Variants in GRIK4 observed in about 807,000 individuals in gnomAD.
GRIK4 encodes glutamate receptor ionotropic, kainate 4.
A neutral mutation model predicts 104.9 loss-of-function variants in GRIK4; 40 were observed. That is an observed-to-expected ratio of 0.38 (90% confidence interval 0.30 to 0.50). The LOEUF (loss-of-function observed/expected upper bound fraction) is 0.50. Ranked by LOEUF, GRIK4 falls within the 20% of genes least tolerant of loss-of-function variation. The pLI is 0.93. For synonymous variants in GRIK4, 485 were observed against 524.9 expected (o/e 0.92, Z 1.04); for missense variants, 1,047 against 1,308.1 (o/e 0.80, Z 3.08).
At chr11:120,768,445 T>C (rs1951878064) in intron 3 of GRIK4, among the ~76,000 whole-genome samples, 1 of 152,140 alleles carries the variant, frequency 6.6e-6, no homozygotes, top group Non-Finnish European at 1.5e-5. Flanking sequence ...GTTTTTTTTG[T>C]GGGTTAAAAC....
chr11:120,515,866 T>C (rs1947719205), intron 1 of GRIK4, among the ~76,000 whole-genome samples: 2 of 152,172 alleles, frequency 1.3e-5, no homozygotes, highest in South Asian at 4.1e-4. Flanking sequence ...CAATGTAACA[T>C]TGTATTGACT....
chr11:120,531,758 T>C (rs770523073), intron 1 of GRIK4, among the ~76,000 whole-genome samples: 61 of 152,108 alleles, frequency 4.0e-4, no homozygotes, highest in Admixed American at 1.1e-3. Context: ...GTATTTTTAG[T>C]AGAGACGGGT....
chr11:120,714,411 C>A (rs1038522705), intron 3 of GRIK4, among the ~76,000 whole-genome samples: 1 of 152,194 alleles, frequency 6.6e-6, no homozygotes, highest in Non-Finnish European at 1.5e-5. Context: ...TTTCTTTCAG[C>A]AGTTATTTAT....
chr11:120,850,462 A>G (rs978702777), intron 8 of GRIK4, among the ~76,000 whole-genome samples: 1 of 152,220 alleles, frequency 6.6e-6, no homozygotes, highest in Non-Finnish European at 1.5e-5. Context: ...CCAGGGCACC[A>G]GGAGGAGAGT....
intron 6 of GRIK4, among the ~76,000 whole-genome samples, chr11:120,822,232 A>AAAAAAG (rs796180829): frequency 0.028 from 4,048 of 146,360 alleles, 272 homozygotes; most frequent in African/African-American, 0.1. Flanking sequence ...AAAAAAAAAA[A>AAAAAAG]AAAGACAGTA....
At chr11:120,741,798 C>G (rs1048266684) in intron 3 of GRIK4, among the ~76,000 whole-genome samples, 2 of 152,278 alleles carry the variant, frequency 1.3e-5, no homozygotes, top group Non-Finnish European at 2.9e-5. Flanking sequence ...TCACATCAAC[C>G]AATTGTCATT....
At chr11:120,884,462 C>A (rs1955062167) in intron 11 of GRIK4, among the ~76,000 whole-genome samples, 1 of 152,232 alleles carries the variant, frequency 6.6e-6, no homozygotes. Flanking sequence ...CACGCAAAGA[C>A]CGGCCCATGC....
intron 1 of GRIK4, among the ~76,000 whole-genome samples, chr11:120,535,476 G>T (rs1446664173): frequency 2.0e-5 from 3 of 152,088 alleles, no homozygotes; most frequent in Non-Finnish European, 4.4e-5. Flanking sequence ...GGATCCTGGA[G>T]CAGTGCTGAG....
intron 3 of GRIK4, among the ~76,000 whole-genome samples, chr11:120,769,016 CTT>C (rs1443003542): frequency 6.6e-6 from 1 of 152,030 alleles, no homozygotes; most frequent in Non-Finnish European, 1.5e-5. Context: ...CTTGCAGTGT[CTT>C]TATCTGGCTT....
At chr11:120,833,925 C>A (rs1481726318) in intron 7 of GRIK4, among the ~76,000 whole-genome samples, 2 of 152,204 alleles carry the variant, frequency 1.3e-5, no homozygotes, top group Non-Finnish European at 1.5e-5. Flanking sequence ...ATTTTAATGG[C>A]TGCCTCATTT....
rs112951901 is a variant in GRIK4, at chr11:120,957,244, A to G, written c.1874+291A>G. 2.6e-5 allele frequency among the ~76,000 whole-genome samples: 4 copies of G among 152,376 alleles called. 1 individual carries two copies. Among genetic ancestry groups the G allele is most frequent in the African/African-American group, 7.2e-5 (3 of 41,604 alleles). On this transcript the variant is annotated intron_variant, in intron 16 of 20. Coordinates refer to ENST00000527524, the MANE Select transcript of GRIK4 (RefSeq NM_014619.5). ...AGCCTTGATGAATTTCAGCAAAGCAATGGTAACTTCCTGACCTGAAAATGA... is the reference window on the plus strand; with the variant it reads ...AGCCTTGATGAATTTCAGCAAAGCAGTGGTAACTTCCTGACCTGAAAATGA...
At chr11:120,845,282 C>T (rs888327618) in intron 8 of GRIK4, among the ~76,000 whole-genome samples, 3 of 152,150 alleles carry the variant, frequency 2.0e-5, no homozygotes, top group Non-Finnish European at 4.4e-5. Context: ...GATGTACATG[C>T]GGCAAGTTAC....
chr11:120,577,860 A>G (rs919426466), intron 1 of GRIK4, among the ~76,000 whole-genome samples: 3 of 152,112 alleles, frequency 2.0e-5, no homozygotes, highest in Non-Finnish European at 4.4e-5. Flanking sequence ...AGCAGCATCT[A>G]CGCAGCCACA....
chr11:120,655,062 T>C (rs1206790388), intron 2 of GRIK4, among the ~76,000 whole-genome samples: 1 of 152,090 alleles, frequency 6.6e-6, no homozygotes, highest in African/African-American at 2.4e-5. Flanking sequence ...GCCCCGTCTG[T>C]TTATTTATTC....
At chr11:120,950,318 C>T (rs1367073633) in intron 14 of GRIK4, among the ~76,000 whole-genome samples, 2 of 152,202 alleles carry the variant, frequency 1.3e-5, no homozygotes, top group Non-Finnish European at 2.9e-5. Context: ...GTGATGTTCT[C>T]TGTTTTATAA....
intron 13 of GRIK4, among the ~76,000 whole-genome samples, chr11:120,922,919 T>A (rs965441601): frequency 1.2e-4 from 18 of 152,222 alleles, no homozygotes; most frequent in Non-Finnish European, 2.6e-4. Context: ...AAGGCCCAGA[T>A]CCTTAGAAAT....
At chr11:120,535,769 G>A (rs922919219) in intron 1 of GRIK4, among the ~76,000 whole-genome samples, 8 of 152,236 alleles carry the variant, frequency 5.3e-5, no homozygotes, top group African/African-American at 1.9e-4. Context: ...CATTTTTTAT[G>A]TGTGTATCTG....
chr11:120,670,440 T>C (rs141805581), intron 3 of GRIK4, among the ~76,000 whole-genome samples: 32 of 152,372 alleles, frequency 2.1e-4, no homozygotes, highest in African/African-American at 7.5e-4. Context: ...TGATGAATTT[T>C]ATTGTCATTT....
At chr11:120,842,507 A>G (rs1023610175) in intron 8 of GRIK4, among the ~76,000 whole-genome samples, 1 of 152,246 alleles carries the variant, frequency 6.6e-6, no homozygotes, top group African/African-American at 2.4e-5. Flanking sequence ...TCTCTGCCAC[A>G]TTATTAAATT....
Sources: gnomAD v4.1 joint callset for allele counts (sites outside exome capture counted in the v4.1 genomes callset) on GRCh38, gnomAD v4.1.1 for gene constraint, MANE v1.5 for transcripts, NCBI Gene and HGNC (gene_info 2026-07-23, HGNC 2026-07-21) for gene names.